Variants in ZNF518A observed in about 807,000 individuals in gnomAD.
The protein encoded by ZNF518A is zinc finger protein 518A.
Under a neutral mutation model 102.7 loss-of-function variants are expected in ZNF518A, and 47 were observed. The observed-to-expected ratio is 0.46, with a 90% CI of 0.36 to 0.58. The LOEUF (loss-of-function observed/expected upper bound fraction) is 0.58. Among genes scored for constraint, ZNF518A ranks in the 20% least tolerant of loss-of-function variants. The probability of loss-of-function intolerance (pLI) is 0.00; values close to 1 mark genes in which losing one functional copy is unlikely to be tolerated. For missense variants in ZNF518A, 1,793 were observed against 1,699.8 expected (o/e 1.05, Z -0.96); for synonymous variants, 652 against 594.6 (o/e 1.10, Z -1.40).
At chr10:96,189,391 G>T in intron 1 of ZNF518A, 2 of 584,186 alleles carry the variant, frequency 3.4e-6, no homozygotes, top group Admixed American at 2.0e-5. Flanking sequence ...CCAGGATCTT[G>T]AATAGTCTCC....
chr10:96,130,474 G>C lies in ZNF518A; in HGVS notation c.-731G>C, dbSNP rs587725803. ...GGAGTAGGAGACGGTGTGCCTCCGC[G>C]CTCCCCGCGGGGCAGCCGAACCCCG... On this transcript the variant is annotated 5_prime_UTR_variant, in exon 1 of 6. Coordinates refer to ENST00000316045, the MANE Select transcript of ZNF518A (RefSeq NM_001330736.2). 3.3e-5 allele frequency among the ~76,000 whole-genome samples: 5 copies of C among 152,314 alleles called. No individual in the cohort carries two copies. Among genetic ancestry groups the C allele is most frequent in the African/African-American group, 1.2e-4 (5 of 41,566 alleles).
intron 1 of ZNF518A, among the ~76,000 whole-genome samples, chr10:96,183,064 C>T (rs2083249465): frequency 6.6e-6 from 1 of 152,122 alleles, no homozygotes; most frequent in African/African-American, 2.4e-5. Flanking sequence ...GTATATGTGT[C>T]CAGGAATTTA....
chr10:96,160,211 A>G lies in ZNF518A; in HGVS notation c.3889A>G (p.Arg1297Gly). The change falls in exon 6 of 6, where the codon AGA becomes GGA. Residue 1297 changes from arginine to glycine, a missense_variant. By Grantham distance (125) the Arg-to-Gly change is moderately radical. Transcript: ENST00000316045. ...EPPRRKATLH[R>G]KCKEKAKPED... ...TCCAAGAAGAAAAGCAACATTGCATAGAAAGTGTAAAGAAAAGGCAAAACC... is the reference window on the plus strand; with the variant it reads ...TCCAAGAAGAAAAGCAACATTGCATGGAAAGTGTAAAGAAAAGGCAAAACC... 1.9e-6 allele frequency: 3 copies of G among 1,611,788 alleles called. No individual in the cohort carries two copies. The highest frequency in any genetic ancestry group is 2.5e-6 in the Non-Finnish European group (3 of 1,179,002).
chr10:96,156,533 A>G lies in ZNF518A; in HGVS notation c.211A>G (p.Arg71Gly). ...ATTGAAACATGAAGTTGACAAATAC[A>G]GAAAATTATTTCAGAGTAAACAGCA... Reference protein sequence around the residue: ...VLLKHEVDKYRKLFQSKQQTA... With the variant: ...VLLKHEVDKYGKLFQSKQQTA... Residue 71 changes from arginine to glycine, a missense_variant, in exon 6 of 6, where the codon AGA becomes GGA. Coordinates refer to ENST00000316045, the MANE Select transcript of ZNF518A (RefSeq NM_001330736.2). 6.2e-7 allele frequency: 1 copy of G among 1,611,796 alleles called. No individual in the cohort carries two copies. Among genetic ancestry groups the G allele is most frequent in the South Asian group, 1.1e-5 (1 of 90,292 alleles).
Position 96,158,864 on chromosome 10 carries a change from A to G in ZNF518A, c.2542A>G (p.Ile848Val). 2 of 1,613,804 alleles carry G rather than the reference A, an allele frequency of 1.2e-6. No individual in the cohort carries two copies. Among genetic ancestry groups the G allele is most frequent in the Non-Finnish European group, 1.7e-6 (2 of 1,179,744 alleles). ...CCCAGTTCCACCTGGCAGTGTGGGTATTAATGTGCCTACAAATGATTTGAA... is the reference window on the plus strand; with the variant it reads ...CCCAGTTCCACCTGGCAGTGTGGGTGTTAATGTGCCTACAAATGATTTGAA... ...IFPVPPGSVG[I>V]NVPTNDLNLK... Residue 848 changes from isoleucine (I) to valine (V), a missense_variant, in exon 6 of 6, where the codon ATT becomes GTT. Coordinates refer to ENST00000316045, the MANE Select transcript of ZNF518A (RefSeq NM_001330736.2).
Position 96,140,631 on chromosome 10 carries a change from A to G in ZNF518A, c.-302+6983A>G, listed in dbSNP as rs1046710054. Among the ~76,000 whole-genome samples the G allele has an allele frequency of 2.6e-4, 40 of 152,214 alleles. 1 individual carries two copies. The highest frequency in any genetic ancestry group is 9.4e-4 in the African/African-American group (39 of 41,528). Reference sequence around the variant, plus strand: ...CAGATTTTTCTCCCAATTCCTACCTATTAAAAAGGTGATTTCTGCCAGGGT... The same window carrying G: ...CAGATTTTTCTCCCAATTCCTACCTGTTAAAAAGGTGATTTCTGCCAGGGT... On this transcript the variant is annotated intron_variant, in intron 3 of 5. Transcript: ENST00000316045.
chr10:96,182,321 TTCTTTGCCTTGCCTGATTGCCCTG>T, intron 1 of ZNF518A, among the ~76,000 whole-genome samples: 1 of 152,350 alleles, frequency 6.6e-6, no homozygotes, highest in East Asian at 1.9e-4. Flanking sequence ...TACCCTTTAT[TTCTTTGCCTTGCCTGATTGCCCTG>T]GCCAGAACTT....
downstream of ZNF518A, among the ~76,000 whole-genome samples, chr10:96,166,759 T>A (rs930141104): frequency 6.6e-6 from 1 of 151,998 alleles, no homozygotes; most frequent in Non-Finnish European, 1.5e-5. Flanking sequence ...AGAGCGAGAC[T>A]CTGTCTCAAA....
intron 1 of ZNF518A, among the ~76,000 whole-genome samples, chr10:96,177,264 G>A (rs2083211296): frequency 1.3e-5 from 2 of 152,130 alleles, no homozygotes; most frequent in Admixed American, 6.5e-5. Context: ...GGAAAAATAA[G>A]TCATCCTAGA....
At chr10:96,131,689 G>A (rs1440409601) in intron 1 of ZNF518A, among the ~76,000 whole-genome samples, 2 of 152,154 alleles carry the variant, frequency 1.3e-5, no homozygotes, top group Non-Finnish European at 2.9e-5. Context: ...TTTATGGAAG[G>A]ACAAAAGACA....
chr10:96,150,715 T>G (rs2133614546), intron 3 of ZNF518A, among the ~76,000 whole-genome samples: 1 of 146,236 alleles, frequency 6.8e-6, no homozygotes, highest in East Asian at 2.0e-4. Flanking sequence ...TTTCTTTTTT[T>G]TTTTATTGCA....
At chr10:96,134,896 T>G (rs2081521888) in intron 3 of ZNF518A, among the ~76,000 whole-genome samples, 1 of 138,682 alleles carries the variant, frequency 7.2e-6, no homozygotes, top group Admixed American at 7.2e-5. Context: ...TGATTAATAT[T>G]GGTTTGTTGA....
At chr10:96,195,947 C>G (rs2083454666) in intron 1 of ZNF518A, among the ~76,000 whole-genome samples, 1 of 152,174 alleles carries the variant, frequency 6.6e-6, no homozygotes, top group Non-Finnish European at 1.5e-5. Context: ...TACACTGAAG[C>G]CAGTTACTGT....
At chr10:96,202,421 A>G (rs1440600681) in intron 1 of ZNF518A, among the ~76,000 whole-genome samples, 2 of 152,158 alleles carry the variant, frequency 1.3e-5, no homozygotes, top group African/African-American at 4.8e-5. Flanking sequence ...ATCTATTTTG[A>G]AGGAATAGCT....
intron 1 of ZNF518A, among the ~76,000 whole-genome samples, chr10:96,177,917 G>A (rs1337416628): frequency 6.6e-6 from 1 of 152,070 alleles, no homozygotes; most frequent in African/African-American, 2.4e-5. Flanking sequence ...CATTCATTAA[G>A]AAGACATAAC....
chr10:96,148,689 C>G (rs1233552555), intron 3 of ZNF518A, among the ~76,000 whole-genome samples: 3 of 152,176 alleles, frequency 2.0e-5, no homozygotes, highest in African/African-American at 4.8e-5. Flanking sequence ...GCACCAGAAT[C>G]TGGCCCAGTG....
Position 96,156,687 on chromosome 10 carries a change from T to A in ZNF518A, c.365T>A (p.Leu122Ter). 6.2e-7 allele frequency: 1 copy of A among 1,613,746 alleles called. No individual in the cohort carries two copies. The highest frequency in any genetic ancestry group is 8.5e-7 in the Non-Finnish European group (1 of 1,179,750). Residue 122 changes from leucine (L) to a stop codon, truncating the protein, a stop_gained, in exon 6 of 6, where the codon TTA becomes TAA. Coordinates refer to ENST00000316045, the MANE Select transcript of ZNF518A (RefSeq NM_001330736.2). LOFTEE classifies it high-confidence loss of function. ...MSAKILNFSC[L>*]KCRDNTRYSP... The stretch of plus-strand genomic sequence containing the variant: ...GCAAAAATACTCAATTTCAGCTGTT[T>A]AAAATGCCGAGACAACACTCGATAT...
chr10:96,202,413 C>T (rs1554896449), intron 1 of ZNF518A, among the ~76,000 whole-genome samples: 1 of 152,062 alleles, frequency 6.6e-6, no homozygotes, highest in Non-Finnish European at 1.5e-5. Flanking sequence ...GATTCTGGAT[C>T]TATTTTGAAG....
chr10:96,172,274 T>C (rs1224353762), intron 1 of ZNF518A, among the ~76,000 whole-genome samples: 2 of 152,096 alleles, frequency 1.3e-5, no homozygotes, highest in Admixed American at 1.3e-4. Context: ...TGCATATAAT[T>C]GTATTTTGGG....
Sources: gnomAD v4.1 joint callset for allele counts (sites outside exome capture counted in the v4.1 genomes callset) on GRCh38, gnomAD v4.1.1 for gene constraint, MANE v1.5 for transcripts, NCBI Gene and HGNC (gene_info 2026-07-23, HGNC 2026-07-21) for gene names.